The following UBE2E3 variants were observed in gnomAD, a reference collection of about 807,000 sequenced individuals.
The protein encoded by UBE2E3 is ubiquitin-conjugating enzyme E2 E3.
Under a neutral mutation model 23.6 loss-of-function variants are expected in UBE2E3, and 5 were observed. The observed-to-expected ratio is 0.21, with a 90% CI of 0.11 to 0.44. The LOEUF (loss-of-function observed/expected upper bound fraction) is 0.44, where lower values mean the gene tolerates loss of function less well. UBE2E3 is among the 20% of genes least tolerant of loss of function. The pLI is 0.99. For synonymous variants in UBE2E3, 78 were observed against 87.5 expected (o/e 0.89, Z 0.60); for missense variants, 81 against 249.8 (o/e 0.32, Z 4.55).
chr2:181,021,030 A>G (rs1012949163), intron 3 of UBE2E3, among the ~76,000 whole-genome samples: 1 of 152,222 alleles, frequency 6.6e-6, no homozygotes, highest in Admixed American at 6.5e-5. Context: ...GTTATTACAT[A>G]CTTTGTCAAT....
chr2:181,056,397 G>C (rs1447872119), intron 3 of UBE2E3, among the ~76,000 whole-genome samples: 1 of 151,756 alleles, frequency 6.6e-6, no homozygotes, highest in Non-Finnish European at 1.5e-5. Context: ...TGGTTCACCT[G>C]ATGGGCATCT....
chr2:181,059,055 G>T (rs764816794), intron 4 of UBE2E3, among the ~76,000 whole-genome samples: 1 of 151,640 alleles, frequency 6.6e-6, no homozygotes, highest in Non-Finnish European at 1.5e-5. Context: ...ATGATTTGCC[G>T]TAATTTTGAT....
At chr2:181,043,099 T>G in intron 3 of UBE2E3, among the ~76,000 whole-genome samples, 1 of 152,174 alleles carries the variant, frequency 6.6e-6, no homozygotes, top group East Asian at 1.9e-4. Context: ...TTGTTTTAAA[T>G]AAAAGTATAT....
chr2:180,985,805 C>T (rs960878469), intron 3 of UBE2E3, among the ~76,000 whole-genome samples: 2 of 152,148 alleles, frequency 1.3e-5, no homozygotes, highest in African/African-American at 4.8e-5. Flanking sequence ...TTAAAGGTTT[C>T]TGTTGATTGT....
chr2:181,017,627 C>T (rs1685537123), intron 3 of UBE2E3, among the ~76,000 whole-genome samples: 1 of 126,134 alleles, frequency 7.9e-6, no homozygotes, highest in Admixed American at 8.7e-5. Flanking sequence ...CTATGCCTTC[C>T]TACTCTGGAC....
chr2:180,987,889 C>G (rs1473276064), intron 3 of UBE2E3, among the ~76,000 whole-genome samples: 1 of 152,006 alleles, frequency 6.6e-6, no homozygotes, highest in African/African-American at 2.4e-5. Context: ...TCTTGCTTCC[C>G]CCAACCCCCA....
rs1310882058 is a variant in UBE2E3 at position 180,980,873 on chromosome 2, C to T, written c.-126C>T. ...CTTCTTTTTTTCCCTCCCCCCCCTTCCCCCCCCCACAGCTGCCTCCATTTC... is the reference window on the plus strand; with the variant it reads ...CTTCTTTTTTTCCCTCCCCCCCCTTTCCCCCCCCACAGCTGCCTCCATTTC... On this transcript the variant is annotated 5_prime_UTR_variant, in exon 1 of 6. Coordinates refer to ENST00000410062, the MANE Select transcript of UBE2E3 (RefSeq NM_006357.4). The surrounding 1 kb of genome is among the most constrained non-coding windows in gnomAD (Gnocchi z 5.5). 6.9e-6 allele frequency: 1 copy of T among 145,158 alleles called. No homozygotes were observed. The highest frequency in any genetic ancestry group is 2.5e-5 in the African/African-American group (1 of 40,180). 9.0% of individuals were successfully genotyped at this position (145,158 alleles called of 1,614,324 possible).
At chr2:181,000,994 CTCATA>C (rs1684973559) in intron 3 of UBE2E3, among the ~76,000 whole-genome samples, 1 of 152,194 alleles carries the variant, frequency 6.6e-6, no homozygotes, top group Admixed American at 6.5e-5. Flanking sequence ...GCATCATCAA[CTCATA>C]TCAGTAATGA....
chr2:180,986,374 G>T (rs62180078), intron 3 of UBE2E3, among the ~76,000 whole-genome samples: 35,189 of 152,036 alleles, frequency 0.23, 4,450 homozygotes, highest in Non-Finnish European at 0.28. Context: ...TCAAATTCTT[G>T]TGGGTGGAAG....
intron 3 of UBE2E3, among the ~76,000 whole-genome samples, chr2:180,991,847 A>G (rs767620209): frequency 2.4e-4 from 36 of 152,150 alleles, no homozygotes; most frequent in Non-Finnish European, 5.0e-4. Flanking sequence ...GCAATGTGAG[A>G]TTTCATCGTG....
intron 3 of UBE2E3, among the ~76,000 whole-genome samples, chr2:180,996,937 C>T (rs1684838641): frequency 1.3e-5 from 2 of 152,076 alleles, no homozygotes; most frequent in Admixed American, 1.3e-4. Context: ...CCTCATAGTA[C>T]ATTTGAACTT....
chr2:181,050,259 ATTTG>A (rs1686785422), intron 3 of UBE2E3, among the ~76,000 whole-genome samples: 2 of 151,902 alleles, frequency 1.3e-5, no homozygotes, highest in South Asian at 4.1e-4. Context: ...AAATGGCCAT[ATTTG>A]TTTTGAAGGT....
At chr2:181,017,833 G>T (rs950775727) in intron 3 of UBE2E3, among the ~76,000 whole-genome samples, 2 of 149,512 alleles carry the variant, frequency 1.3e-5, no homozygotes, top group African/African-American at 5.0e-5. Context: ...CAGGATAGGG[G>T]GTTTAAGATG....
chr2:180,996,502 T>C (rs527963526), intron 3 of UBE2E3, among the ~76,000 whole-genome samples: 48 of 152,318 alleles, frequency 3.2e-4, no homozygotes, highest in African/African-American at 1.1e-3. Flanking sequence ...AGCATCCTCC[T>C]TTGTTTAGTG....
chr2:181,011,801 C>A (rs530057340), intron 3 of UBE2E3, among the ~76,000 whole-genome samples: 2 of 152,098 alleles, frequency 1.3e-5, no homozygotes, highest in Non-Finnish European at 2.9e-5. Context: ...AATGAATGAA[C>A]CATGTGTCCT....
chr2:181,001,432 C>A lies in UBE2E3; in HGVS notation c.245+17339C>A, dbSNP rs1684988872. Among the ~76,000 whole-genome samples, 3 of 151,238 alleles carry A rather than the reference C, an allele frequency of 2.0e-5. No individual in the cohort carries two copies. The South Asian group carries it at 6.2e-4, about 31-fold the overall frequency. ...GCCTTGAGTCCCAGAAGTCCTCCAC[C>A]CCCCACACCCCCAACTGTGAATGTA... On this transcript the variant is annotated intron_variant, in intron 3 of 5. Coordinates refer to ENST00000410062, the MANE Select transcript of UBE2E3 (RefSeq NM_006357.4).
chr2:181,020,797 A>T (rs527798023), intron 3 of UBE2E3, among the ~76,000 whole-genome samples: 2 of 152,352 alleles, frequency 1.3e-5, no homozygotes, highest in African/African-American at 4.8e-5. Flanking sequence ...TAGTCATAAA[A>T]AATAGACAAC....
At chr2:181,018,605 T>G in intron 3 of UBE2E3, among the ~76,000 whole-genome samples, 1 of 150,312 alleles carries the variant, frequency 6.7e-6, no homozygotes, top group Admixed American at 6.6e-5. Context: ...TGTGTTTTTT[T>G]TTTTTTTTTT....
chr2:180,983,197 C>T (rs1330167235), intron 2 of UBE2E3, among the ~76,000 whole-genome samples: 1 of 152,108 alleles, frequency 6.6e-6, no homozygotes, highest in African/African-American at 2.4e-5. Flanking sequence ...ATATTGCATT[C>T]TGTGGTGATT....
Sources: allele counts gnomAD v4.1 joint callset (sites outside exome capture counted in the v4.1 genomes callset), GRCh38; gene constraint gnomAD v4.1.1; non-coding constraint Gnocchi (gnomAD v3.1); transcripts MANE v1.5; gene names NCBI Gene and HGNC (gene_info 2026-07-23, HGNC 2026-07-21).